SLA: variants seen among roughly 807,000 people sequenced by gnomAD.
SLA encodes the protein Src like adaptor.
Under a neutral mutation model 30.3 loss-of-function variants are expected in SLA, and 16 were observed. The observed-to-expected ratio is 0.53, with a 90% CI of 0.36 to 0.80. The LOEUF is 0.80. Among genes scored for constraint, SLA ranks in the 30% least tolerant of loss-of-function variants. SLA has a pLI of 0.01. For synonymous variants in SLA, 143 were observed against 137.8 expected, an observed-to-expected ratio of 1.04 and a Z score of -0.26; for missense variants, 310 against 345.2, an observed-to-expected ratio of 0.90 and a Z score of 0.81.
intron 1 of SLA, among the ~76,000 whole-genome samples, chr8:133,095,534 C>G (rs947225840): frequency 6.6e-6 from 1 of 152,166 alleles, no homozygotes; most frequent in Non-Finnish European, 1.5e-5. Flanking sequence ...ACTCCAGGAC[C>G]GTGGTGGGCA....
Position 133,086,357 on chromosome 8 carries a change from A to C in SLA, c.-318-11227T>G, listed in dbSNP as rs1473187947. 6.6e-5 allele frequency among the ~76,000 whole-genome samples: 10 copies of C among 152,362 alleles called. No homozygotes were observed. The East Asian group carries it at 1.9e-3, about 29-fold the overall frequency. ...GGGTGAATTCTGTGGTATGTGAATT[A>C]TATCACAATAATACAATTTCCTAAA... is the stretch of plus-strand genomic sequence containing the variant. On this transcript the variant is annotated intron_variant, in intron 1 of 8. Coordinates refer to ENST00000338087, the MANE Select transcript of SLA (RefSeq NM_001045556.3).
intron 1 of SLA, among the ~76,000 whole-genome samples, chr8:133,078,289 C>T (rs772807287): frequency 1.2e-4 from 18 of 152,174 alleles, no homozygotes; most frequent in Non-Finnish European, 2.4e-4. Context: ...GAGCAGTTTG[C>T]TGTCAAGAAC....
chr8:133,073,938 T>C (rs1178404927), intron 2 of SLA, among the ~76,000 whole-genome samples: 1 of 152,084 alleles, frequency 6.6e-6, no homozygotes, highest in Non-Finnish European at 1.5e-5. Context: ...AAAAATAACT[T>C]TTTATGCATT....
At chr8:133,087,071 TACACACACACACACAC>T (rs56028043) in intron 1 of SLA, among the ~76,000 whole-genome samples, 3,599 of 143,106 alleles carry the variant, frequency 0.025, 64 homozygotes, top group East Asian at 0.057. Context: ...AATATATGTT[TACACACACACACACAC>T]ACACACACAC....
chr8:133,064,320 A>G (rs1842783097), intron 2 of SLA: 1 of 152,272 alleles, frequency 6.6e-6, no homozygotes, highest in African/African-American at 2.4e-5. Flanking sequence ...AAGTCCTATT[A>G]GACAGAATCC....
In SLA at chr8:133,075,135, G is replaced by A; in HGVS notation, c.-318-5C>T. On this transcript the variant is annotated splice_region_variant and splice_polypyrimidine_tract_variant and intron_variant, in intron 1 of 8. Transcript: ENST00000338087. Reference sequence around the variant, plus strand: ...GCAAGCTTCTCTCTGCAAGGACTGGGAAGATAGATGGGTTATTAATTTTTT... The same window carrying A: ...GCAAGCTTCTCTCTGCAAGGACTGGAAAGATAGATGGGTTATTAATTTTTT... The A allele has an allele frequency of 1.0e-6, 1 of 985,252 alleles. No individual in the cohort carries two copies. The highest frequency in any genetic ancestry group is 1.2e-6 in the Non-Finnish European group (1 of 829,746). The allele number at this position is 985,252 out of a possible 1,614,324, so 61.0% of individuals were successfully genotyped here.
At chr8:133,050,247 CA>C (rs1318644045) in intron 4 of SLA, 2 of 511,640 alleles carry the variant, frequency 3.9e-6, no homozygotes, top group Non-Finnish European at 7.1e-6. Flanking sequence ...CAGGGATTAG[CA>C]GCTAATGTTC....
intron 1 of SLA, among the ~76,000 whole-genome samples, chr8:133,080,580 A>G (rs1018631041): frequency 1.3e-5 from 2 of 151,686 alleles, no homozygotes; most frequent in Non-Finnish European, 2.9e-5. Context: ...GCTGCCCCAA[A>G]CTCAGGACCA....
At chr8:133,098,134 A>G (rs1006252923) in intron 1 of SLA, among the ~76,000 whole-genome samples, 4 of 152,184 alleles carry the variant, frequency 2.6e-5, no homozygotes, top group Non-Finnish European at 5.9e-5. Flanking sequence ...ATTATTGGAC[A>G]AGACAACCAT....
At position 133,038,465 on chromosome 8, in the gene SLA, C is replaced by T. The variant is rs963278539; in HGVS notation, c.*59G>A. The T allele has an allele frequency of 9.9e-5, 136 of 1,375,250 alleles. No individual in the cohort carries two copies. The highest frequency in any genetic ancestry group is 1.4e-4 in the Non-Finnish European group (133 of 964,210). The allele number at this position is 1,375,250 out of a possible 1,614,324, so 85.2% of individuals were successfully genotyped here. On this transcript the variant is annotated 3_prime_UTR_variant, in exon 9 of 9. Coordinates refer to ENST00000338087, the MANE Select transcript of SLA (RefSeq NM_001045556.3). ...AGGGAACCTCGCTTTTCGCAAGATC[C>T]CAGGCAATAGTTGGAACTTCTGTTC...
At position 133,038,379 on chromosome 8, in the gene SLA, C is replaced by T. The variant is rs147729701; in HGVS notation, c.*145G>A. Reference sequence around the variant, plus strand: ...GGTCATGATGTGGATAGAGAAGATGCGAATTTGAGTCTCCATGTGGCTTCT... The same window carrying T: ...GGTCATGATGTGGATAGAGAAGATGTGAATTTGAGTCTCCATGTGGCTTCT... On this transcript the variant is annotated 3_prime_UTR_variant, in exon 9 of 9. Coordinates refer to ENST00000338087, the MANE Select transcript of SLA (RefSeq NM_001045556.3). 718 of 665,450 alleles carry T rather than the reference C, an allele frequency of 1.1e-3. 6 individuals are homozygous for T. In the East Asian group the frequency reaches 0.015, roughly 13 times the overall value. 41.2% of individuals were successfully genotyped at this position (665,450 alleles called of 1,614,324 possible).
At chr8:133,047,715 G>C in intron 6 of SLA, 115 bp downstream of exon 6, 1 of 735,608 alleles carries the variant, frequency 1.4e-6, no homozygotes, top group Non-Finnish European at 2.5e-6. Context: ...TAACTACATT[G>C]GATCAATTTG....
At chr8:133,056,094 G>C (rs1841401988) in intron 3 of SLA, among the ~76,000 whole-genome samples, 1 of 152,176 alleles carries the variant, frequency 6.6e-6, no homozygotes, top group African/African-American at 2.4e-5. Flanking sequence ...GCAGGGCATG[G>C]CTGTGTTTGA....
intron 2 of SLA, among the ~76,000 whole-genome samples, chr8:133,067,995 A>G (rs775516017): frequency 1.3e-5 from 2 of 152,184 alleles, no homozygotes; most frequent in Non-Finnish European, 2.9e-5. Context: ...CTCAATACAT[A>G]GAATAGATGA....
chr8:133,061,116 T>G, intron 2 of SLA, among the ~76,000 whole-genome samples: 1 of 152,222 alleles, frequency 6.6e-6, no homozygotes, highest in Non-Finnish European at 1.5e-5. Context: ...GTTCAAGCGA[T>G]TCTCCTGCCT....
chr8:133,060,448 G>C (rs900522475), intron 2 of SLA: 2 of 1,314,594 alleles, frequency 1.5e-6, no homozygotes, highest in Non-Finnish European at 2.0e-6. Context: ...GGTGGCAAAA[G>C]TTTCCATTCC....
chr8:133,093,022 A>T (rs1847808999), intron 1 of SLA, among the ~76,000 whole-genome samples: 2 of 152,176 alleles, frequency 1.3e-5, no homozygotes, highest in Admixed American at 1.3e-4. Flanking sequence ...CCATCCTGAC[A>T]TTCACATCTC....
intron 8 of SLA, among the ~76,000 whole-genome samples, chr8:133,039,730 C>T (rs566893129): frequency 1.3e-5 from 2 of 152,274 alleles, no homozygotes; most frequent in East Asian, 3.9e-4. Flanking sequence ...ATGTATATTG[C>T]TAGCATAGAA....
At chr8:133,100,734 T>G (rs1049857433) in intron 1 of SLA, among the ~76,000 whole-genome samples, 1 of 152,316 alleles carries the variant, frequency 6.6e-6, no homozygotes, top group Admixed American at 6.5e-5. Flanking sequence ...GTATGCTGGG[T>G]ACTGAAATGT....
Sources: gnomAD v4.1 joint callset for allele counts (sites outside exome capture counted in the v4.1 genomes callset) on GRCh38, gnomAD v4.1.1 for gene constraint, MANE v1.5 for transcripts, NCBI Gene and HGNC (gene_info 2026-07-23, HGNC 2026-07-21) for gene names.